MRTFA: variants seen among roughly 807,000 people sequenced by gnomAD.
MRTFA encodes the protein myocardin related transcription factor A, also known as myocardin-related transcription factor A.
MRTFA carries 20 observed loss-of-function variants against 83.5 expected under a neutral mutation model. That is an observed-to-expected ratio of 0.24 (90% confidence interval 0.17 to 0.35). The LOEUF is 0.35. MRTFA is among the 10% of genes least tolerant of loss of function. The pLI, the probability that MRTFA is intolerant of heterozygous loss-of-function variation, is 1.00. For missense variants in MRTFA, 1,200 were observed against 1,224.7 expected (o/e 0.98, Z 0.30); for synonymous variants, 659 against 541.2 (o/e 1.22, Z -3.02).
chr22:40,417,164 C>T (rs2052699103), intron 13 of MRTFA, 118 bp from the exon 14 acceptor site: 1 of 1,377,358 alleles, frequency 7.3e-7, no homozygotes, highest in Admixed American at 2.1e-5. Context: ...CCACAGGACC[C>T]ATGGGCGTGC....
chr22:40,419,528 C>T, intron 11 of MRTFA, 144 bp from the exon 12 acceptor site: 1 of 695,934 alleles, frequency 1.4e-6, no homozygotes, highest in South Asian at 1.7e-5. Flanking sequence ...GGTGCAATGC[C>T]CCCCACCACC....
At position 40,418,835 on chromosome 22, in the gene MRTFA, C is replaced by T. The variant is rs751069863; in HGVS notation, c.1903G>A (p.Glu635Lys). 1.9e-4 allele frequency: 303 copies of T among 1,611,702 alleles called. 2 individuals are homozygous for T. Among genetic ancestry groups the T allele is most frequent in the South Asian group, 1.2e-3 (108 of 91,062 alleles). ...TGCCGGAGCATGCGCGTCAGCGCCT[C>T]GATCTGCTTGTCTTTCTCCTGCAGC... Residue 635 changes from glutamate to lysine, a missense_variant, in exon 12 of 15, where the codon GAG (glutamate) becomes AAG (lysine). Transcript: ENST00000355630.
chr22:40,531,402 A>G (rs769898267), intron 3 of MRTFA, among the ~76,000 whole-genome samples: 1 of 151,178 alleles, frequency 6.6e-6, no homozygotes, highest in Non-Finnish European at 1.5e-5. Flanking sequence ...AAGTTTGTAT[A>G]TAACATACAT....
At chr22:40,488,630 G>A (rs948015209) in intron 3 of MRTFA, among the ~76,000 whole-genome samples, 3 of 152,000 alleles carry the variant, frequency 2.0e-5, no homozygotes, top group Non-Finnish European at 4.4e-5. Context: ...TCAGGAGTTC[G>A]AGACCAGCCT....
rs148457527 is a variant in MRTFA at position 40,534,466 on chromosome 22, T to C, written c.241+17640A>G. ...TATTTGATTTCATTTACTTTTTTTG[T>C]ATGTTTGAGACAGGGTCTCACTCCG... On this transcript the variant is annotated intron_variant, in intron 3 of 14. Transcript: ENST00000355630. Among the ~76,000 whole-genome samples the C allele has an allele frequency of 4.6e-3, 708 of 152,338 alleles. 3 individuals are homozygous for C. The highest frequency in any genetic ancestry group is 6.1e-3 in the Admixed American group (94 of 15,310).
At chr22:40,609,612 C>G (rs2056361574) in intron 1 of MRTFA, among the ~76,000 whole-genome samples, 1 of 151,816 alleles carries the variant, frequency 6.6e-6, no homozygotes, top group Non-Finnish European at 1.5e-5. Flanking sequence ...GGGTGGATCA[C>G]TTGAGGTCAG....
At chr22:40,526,954 T>C (rs539072893) in intron 3 of MRTFA, among the ~76,000 whole-genome samples, 1 of 151,754 alleles carries the variant, frequency 6.6e-6, no homozygotes, top group African/African-American at 2.4e-5. Flanking sequence ...AAAAAACTTA[T>C]TGGGGCAGGG....
intron 2 of MRTFA, among the ~76,000 whole-genome samples, chr22:40,592,042 C>G (rs1194913773): frequency 6.6e-6 from 1 of 152,114 alleles, no homozygotes; most frequent in Non-Finnish European, 1.5e-5. Context: ...CCAATTACTG[C>G]ATGACTGAAA....
intron 3 of MRTFA, among the ~76,000 whole-genome samples, chr22:40,530,767 C>A (rs958406046): frequency 1.3e-5 from 2 of 152,218 alleles, no homozygotes; most frequent in Non-Finnish European, 2.9e-5. Context: ...AGAATTCCAA[C>A]TTTGAAAGCT....
intron 1 of MRTFA, among the ~76,000 whole-genome samples, chr22:40,597,703 C>T (rs2056210162): frequency 6.6e-6 from 1 of 152,180 alleles, no homozygotes; most frequent in African/African-American, 2.4e-5. Context: ...CCTCTCCTGA[C>T]TCTGTGCCTG....
intron 5 of MRTFA, among the ~76,000 whole-genome samples, chr22:40,435,053 T>G (rs867586769): frequency 1.2e-4 from 18 of 152,310 alleles, no homozygotes; most frequent in Middle Eastern, 3.4e-3. Flanking sequence ...CAAGAAGGTT[T>G]CCTGCCCCTT....
chr22:40,481,787 G>A (rs780125062), intron 3 of MRTFA, among the ~76,000 whole-genome samples: 2 of 152,014 alleles, frequency 1.3e-5, no homozygotes, highest in Non-Finnish European at 2.9e-5. Context: ...CTGACCAGGC[G>A]CGGTGGCTCA....
intron 1 of MRTFA, among the ~76,000 whole-genome samples, chr22:40,622,084 G>A (rs1455920236): frequency 6.6e-6 from 1 of 152,122 alleles, no homozygotes; most frequent in Non-Finnish European, 1.5e-5. Context: ...ACTATGATAG[G>A]CTGAAAAATG....
Position 40,420,593 on chromosome 22 carries a change from G to A in MRTFA, c.1182-17C>T. The A allele has an allele frequency of 2.5e-6, 4 of 1,611,926 alleles. No homozygotes were observed. Among genetic ancestry groups the A allele is most frequent in the Non-Finnish European group, 3.4e-6 (4 of 1,179,394 alleles). ...CCTGCTGACCTGGGAAGAAAAGGCA[G>A]AAATTAGCCCCATCCAGCTTCGCCC... is the stretch of plus-strand genomic sequence containing the variant. On this transcript the variant is annotated splice_polypyrimidine_tract_variant and intron_variant, in intron 10 of 14. Transcript: ENST00000355630.
chr22:40,551,650 T>A (rs1304735328), intron 3 of MRTFA, among the ~76,000 whole-genome samples: 2 of 152,190 alleles, frequency 1.3e-5, no homozygotes, highest in Non-Finnish European at 2.9e-5. Context: ...ATTACAGGCC[T>A]AAGTCACTAC....
intron 3 of MRTFA, among the ~76,000 whole-genome samples, chr22:40,481,475 G>A (rs1255931595): frequency 2.0e-5 from 3 of 152,154 alleles, no homozygotes; most frequent in African/African-American, 7.2e-5. Context: ...TAGAACATAT[G>A]CTCTAGCAGG....
At chr22:40,606,093 T>C (rs1009973678) in intron 1 of MRTFA, among the ~76,000 whole-genome samples, 4 of 152,102 alleles carry the variant, frequency 2.6e-5, no homozygotes, top group African/African-American at 7.2e-5. Flanking sequence ...GACTCCACTA[T>C]GAAAGCAATT....
intron 3 of MRTFA, among the ~76,000 whole-genome samples, chr22:40,518,221 T>G (rs1278000062): frequency 1.3e-5 from 2 of 152,092 alleles, no homozygotes; most frequent in Non-Finnish European, 2.9e-5. Flanking sequence ...AACCTCTGAT[T>G]TGTAGCCAAC....
intron 2 of MRTFA, among the ~76,000 whole-genome samples, chr22:40,554,681 C>G (rs559761936): frequency 6.6e-6 from 1 of 152,306 alleles, no homozygotes; most frequent in Admixed American, 6.5e-5. Flanking sequence ...CTAATAGACA[C>G]GGACAAACTA....
Sources: gnomAD v4.1 joint callset for allele counts (sites outside exome capture counted in the v4.1 genomes callset) on GRCh38, gnomAD v4.1.1 for gene constraint, MANE v1.5 for transcripts, NCBI Gene and HGNC (gene_info 2026-07-23, HGNC 2026-07-21) for gene names.